GRID2: variants seen among roughly 807,000 people sequenced by gnomAD.
The protein encoded by GRID2 is glutamate ionotropic receptor delta type subunit 2.
A neutral mutation model predicts 114.8 loss-of-function variants in GRID2; 33 were observed. That is an observed-to-expected ratio of 0.29 (90% CI 0.22 to 0.38). The LOEUF (loss-of-function observed/expected upper bound fraction) is 0.38. Ranked by LOEUF, GRID2 falls within the 10% of genes least tolerant of loss-of-function variation. The pLI, the probability that GRID2 is intolerant of heterozygous loss-of-function variation, is 1.00. For synonymous variants in GRID2, 505 were observed against 449.9 expected (o/e 1.12, Z -1.55); for missense variants, 1,184 against 1,257.7 (o/e 0.94, Z 0.89).
At chr4:92,334,498 G>A (rs1727062809) in intron 1 of GRID2, among the ~76,000 whole-genome samples, 1 of 152,082 alleles carries the variant, frequency 6.6e-6, no homozygotes, top group Admixed American at 6.6e-5. Context: ...GTGGTATTTG[G>A]TGAGGACTTC....
chr4:93,519,733 T>G (rs1730144234), intron 13 of GRID2, among the ~76,000 whole-genome samples: 1 of 152,134 alleles, frequency 6.6e-6, no homozygotes, highest in South Asian at 2.1e-4. Flanking sequence ...GACTATGAAG[T>G]TCCAAGGGGA....
rs532643200 is a variant in GRID2, at chr4:92,700,961, T to C, written c.244+110675T>C. On this transcript the variant is annotated intron_variant, in intron 2 of 15. Transcript: ENST00000282020. The stretch of plus-strand genomic sequence containing the variant: ...GTGAGCAGAGACTGTGCCACTGCAC[T>C]CCAGCCTGGGCGACAGAGCGAGACT... Among the ~76,000 whole-genome samples, 5 of 142,152 alleles carry C rather than the reference T, an allele frequency of 3.5e-5. No homozygotes were observed. In the East Asian group the frequency reaches 1.1e-3, roughly 30 times the overall value. 93.3% of individuals were successfully genotyped at this position (142,152 alleles called of 152,430 possible). A position where few individuals can be genotyped will look rare whatever the true frequency, so the allele number is the denominator to read the frequency against.
At chr4:92,878,319 T>C (rs1212867581) in intron 2 of GRID2, among the ~76,000 whole-genome samples, 3 of 152,102 alleles carry the variant, frequency 2.0e-5, no homozygotes, top group African/African-American at 7.2e-5. Flanking sequence ...CAACTGATGG[T>C]GATAGTAGTT....
chr4:92,991,179 C>A (rs1218836013), intron 2 of GRID2, among the ~76,000 whole-genome samples: 1 of 151,938 alleles, frequency 6.6e-6, no homozygotes, highest in African/African-American at 2.4e-5. Context: ...GGTGTGAAAC[C>A]CTGACTTTGT....
chr4:92,453,463 C>T (rs1280393630), intron 1 of GRID2, among the ~76,000 whole-genome samples: 1 of 152,010 alleles, frequency 6.6e-6, no homozygotes, highest in Non-Finnish European at 1.5e-5. Flanking sequence ...TATATGTATT[C>T]ATATACATAT....
chr4:92,423,258 A>G (rs1195943903), intron 1 of GRID2, among the ~76,000 whole-genome samples: 1 of 152,150 alleles, frequency 6.6e-6, no homozygotes, highest in Non-Finnish European at 1.5e-5. Context: ...AAGCAAATGG[A>G]GTTAAGGATC....
chr4:93,422,757 T>A lies in GRID2; in HGVS notation c.1348-14T>A, dbSNP rs1383519047. The A allele has an allele frequency of 6.3e-7, 1 of 1,575,590 alleles. No individual in the cohort carries two copies. The highest frequency in any genetic ancestry group is 8.7e-7 in the Non-Finnish European group (1 of 1,145,694). ...TATAGATTGACATCAGAAATTTCTC[T>A]TATTTCCATGTAGGAAGAACCTTTT... On this transcript the variant is annotated splice_polypyrimidine_tract_variant and intron_variant, in intron 9 of 15. Transcript: ENST00000282020.
chr4:93,483,199 C>T (rs947597747), intron 11 of GRID2, among the ~76,000 whole-genome samples: 8 of 151,870 alleles, frequency 5.3e-5, no homozygotes, highest in South Asian at 2.1e-4. Context: ...GTGTAAAACA[C>T]GCTAATATTT....
At chr4:92,749,368 G>T (rs907753410) in intron 2 of GRID2, among the ~76,000 whole-genome samples, 6 of 140,392 alleles carry the variant, frequency 4.3e-5, no homozygotes, top group African/African-American at 8.1e-5. Context: ...AGGCTGGAGT[G>T]CAGTGGCGCG....
intron 8 of GRID2, among the ~76,000 whole-genome samples, chr4:93,375,016 C>T (rs1207819842): frequency 3.3e-5 from 5 of 152,146 alleles, no homozygotes; most frequent in Non-Finnish European, 7.4e-5. Flanking sequence ...TGGGTAACAA[C>T]ATTAGATTTG....
intron 1 of GRID2, among the ~76,000 whole-genome samples, chr4:92,376,498 C>T (rs868784829): frequency 1.3e-5 from 2 of 152,018 alleles, no homozygotes; most frequent in Non-Finnish European, 2.9e-5. Flanking sequence ...GCATATGGTG[C>T]AAGCTGTCAG....
At chr4:93,787,754 G>T (rs373095435) in intron 1 of GRID2, among the ~76,000 whole-genome samples, 6 of 152,102 alleles carry the variant, frequency 3.9e-5, no homozygotes, top group East Asian at 3.9e-4. Flanking sequence ...TTGAATTATT[G>T]AATGGAACGA....
At chr4:92,785,370 G>C (rs544720220) in intron 2 of GRID2, among the ~76,000 whole-genome samples, 1 of 150,780 alleles carries the variant, frequency 6.6e-6, no homozygotes, top group South Asian at 2.1e-4. Context: ...CAGCTCTCTA[G>C]CTTTTAATTT....
chr4:92,564,236 A>G (rs1727231517), intron 1 of GRID2, among the ~76,000 whole-genome samples: 1 of 152,172 alleles, frequency 6.6e-6, no homozygotes, highest in South Asian at 2.1e-4. Context: ...GACAAAAATT[A>G]TTTTAAATAA....
intron 4 of GRID2, among the ~76,000 whole-genome samples, chr4:93,131,436 G>A (rs988290993): frequency 5.9e-4 from 89 of 151,860 alleles, no homozygotes; most frequent in African/African-American, 2.0e-3. Context: ...ACAAGCTTGA[G>A]CCACCACGCC....
At chr4:93,045,183 A>G (rs538986578) in intron 2 of GRID2, among the ~76,000 whole-genome samples, 3 of 152,220 alleles carry the variant, frequency 2.0e-5, no homozygotes, top group Admixed American at 1.3e-4. Flanking sequence ...GTATATAGAT[A>G]TCTCATAATT....
chr4:92,524,407 CTTTTTTTTTT>C (rs869060153), intron 1 of GRID2, among the ~76,000 whole-genome samples: 10 of 106,560 alleles, frequency 9.4e-5, no homozygotes, highest in Non-Finnish European at 1.5e-4. Context: ...ATTTCCTTGT[CTTTTTTTTTT>C]TTTTTTTTTT....
chr4:92,609,328 G>A (rs1388386395), intron 2 of GRID2, among the ~76,000 whole-genome samples: 1 of 151,420 alleles, frequency 6.6e-6, no homozygotes, highest in Non-Finnish European at 1.5e-5. Context: ...TATTAGTCTA[G>A]GAATTCATGG....
At chr4:93,244,973 A>T (rs1241675421) in intron 8 of GRID2, among the ~76,000 whole-genome samples, 1 of 151,878 alleles carries the variant, frequency 6.6e-6, no homozygotes, top group Non-Finnish European at 1.5e-5. Context: ...TGCCATAGTT[A>T]TTTACTGTCA....
Sources: allele counts gnomAD v4.1 joint callset (sites outside exome capture counted in the v4.1 genomes callset), GRCh38; gene constraint gnomAD v4.1.1; transcripts MANE v1.5; gene names NCBI Gene and HGNC (gene_info 2026-07-23, HGNC 2026-07-21).